The following SERINC3 variants were observed in gnomAD, a reference collection of about 807,000 sequenced individuals.
SERINC3 encodes serine incorporator 3.
In SERINC3, 22 loss-of-function variants were observed where a neutral mutation model predicts 52.1. The ratio of observed to expected loss-of-function variants is 0.42; its 90% confidence interval spans 0.30 to 0.60. SERINC3 has a LOEUF of 0.60. Ranked by LOEUF, SERINC3 falls within the 20% of genes least tolerant of loss-of-function variation. The pLI, the probability that SERINC3 is intolerant of heterozygous loss-of-function variation, is 0.16. For missense variants in SERINC3, 564 were observed against 584.6 expected (o/e 0.96, Z 0.36); for synonymous variants, 226 against 212.7 (o/e 1.06, Z -0.54).
rs2064270291 is a variant in SERINC3 at position 44,500,201 on chromosome 20, C to T, written c.*95G>A. ...TACAGTCAAACTTGCAAAGCATTCACTTAATATTTTAGTTGAAACAAACTT... is the reference window on the plus strand; with the variant it reads ...TACAGTCAAACTTGCAAAGCATTCATTTAATATTTTAGTTGAAACAAACTT... On this transcript the variant is annotated 3_prime_UTR_variant, in exon 10 of 10. Transcript: ENST00000342374. 3.8e-6 allele frequency: 5 copies of T among 1,331,146 alleles called. 1 individual carries two copies. In the Admixed American group the frequency reaches 1.3e-4, roughly 35 times the overall value. The allele number at this position is 1,331,146 out of a possible 1,614,324, so 82.5% of individuals were successfully genotyped here.
chr20:44,500,982 G>T, intron 9 of SERINC3, 91 bp downstream of exon 9: 2 of 885,302 alleles, frequency 2.3e-6, no homozygotes, highest in Non-Finnish European at 3.7e-6. Flanking sequence ...ATGGGTAAGA[G>T]CAAGGGTTCT....
intron 8 of SERINC3, among the ~76,000 whole-genome samples, chr20:44,503,572 C>T (rs2064292856): frequency 6.6e-6 from 1 of 152,158 alleles, no homozygotes; most frequent in Admixed American, 6.6e-5. Flanking sequence ...TGCTTGAACC[C>T]AGGAGGTGGA....
At chr20:44,512,325 CAAAAAAAAA>C (rs920134707) in intron 3 of SERINC3, among the ~76,000 whole-genome samples, 4 of 49,346 alleles carry the variant, frequency 8.1e-5, no homozygotes, top group Non-Finnish European at 1.2e-4. Flanking sequence ...AAAAACAAAA[CAAAAAAAAA>C]AAAAAAAAAA....
intron 1 of SERINC3, among the ~76,000 whole-genome samples, chr20:44,518,816 T>C (rs1200989013): frequency 6.6e-6 from 1 of 151,874 alleles, no homozygotes; most frequent in Non-Finnish European, 1.5e-5. Flanking sequence ...AATACAAAAT[T>C]AGCCAGGCGT....
rs765347167 is a variant in SERINC3, at chr20:44,511,276, T to C, written c.475+13A>G. 3.8e-6 allele frequency: 6 copies of C among 1,565,336 alleles called. No homozygotes were observed. In the East Asian group the frequency reaches 6.7e-5, roughly 18 times the overall value. The stretch of plus-strand genomic sequence containing the variant: ...TATAGTTTAAAATTAACCCCCTCAA[T>C]GGTGAACCCTACCTGAGCTGAAATA... On this transcript the variant is annotated intron_variant, in intron 4 of 9. Transcript: ENST00000342374.
At chr20:44,516,045 T>C (rs1316857602) in intron 1 of SERINC3, among the ~76,000 whole-genome samples, 2 of 152,172 alleles carry the variant, frequency 1.3e-5, no homozygotes, top group East Asian at 3.9e-4. Context: ...GGCTCACGCC[T>C]GTAATCCCAG....
chr20:44,502,054 CCT>C (rs1210052451), intron 8 of SERINC3, among the ~76,000 whole-genome samples: 8 of 152,254 alleles, frequency 5.3e-5, no homozygotes, highest in Middle Eastern at 3.4e-3. Context: ...AAACTTTCCC[CCT>C]GAGATCAGGA....
chr20:44,507,733 G>C (rs1054330725), intron 5 of SERINC3, among the ~76,000 whole-genome samples: 1 of 152,194 alleles, frequency 6.6e-6, no homozygotes, highest in African/African-American at 2.4e-5. Context: ...GCCAGGCATG[G>C]TGGCATAAGG....
chr20:44,511,985 C>T (rs540187820), intron 3 of SERINC3, among the ~76,000 whole-genome samples: 2 of 152,314 alleles, frequency 1.3e-5, no homozygotes, highest in African/African-American at 2.4e-5. Context: ...TTATAATACA[C>T]ATCAAGTTTA....
chr20:44,502,050 T>C (rs921670457), intron 8 of SERINC3, among the ~76,000 whole-genome samples: 5 of 151,978 alleles, frequency 3.3e-5, no homozygotes, highest in Non-Finnish European at 5.9e-5. Flanking sequence ...CTAAAAACTT[T>C]CCCCCTGAGA....
intron 6 of SERINC3, among the ~76,000 whole-genome samples, 189 bp downstream of exon 6, chr20:44,506,638 T>G (rs548113146): frequency 9.9e-6 from 1 of 100,784 alleles, no homozygotes; most frequent in Admixed American, 9.5e-5. Context: ...GTTACCTGGG[T>G]TTTTTTTTAA....
At chr20:44,520,426 A>G (rs367775710) in intron 1 of SERINC3, among the ~76,000 whole-genome samples, 18 of 152,326 alleles carry the variant, frequency 1.2e-4, no homozygotes, top group South Asian at 1.0e-3. Context: ...AGTAGCCATA[A>G]AAAAAGAAGA....
intron 4 of SERINC3, among the ~76,000 whole-genome samples, chr20:44,510,808 A>G (rs2029882790): frequency 6.6e-6 from 1 of 151,910 alleles, no homozygotes; most frequent in South Asian, 2.1e-4. Context: ...GAGACTGTCT[A>G]AAATATATAT....
intron 6 of SERINC3, among the ~76,000 whole-genome samples, chr20:44,505,791 C>T (rs375784462): frequency 2.0e-5 from 3 of 147,140 alleles, no homozygotes; most frequent in African/African-American, 5.0e-5. Context: ...GTAGAGATGA[C>T]GTTTCACCAT....
Position 44,513,987 on chromosome 20 carries a change from G to A in SERINC3, c.93C>T (p.Asn31=). 6.2e-7 allele frequency: 1 copy of A among 1,614,140 alleles called. No homozygotes were observed. Among genetic ancestry groups the A allele is most frequent in the Non-Finnish European group, 8.5e-7 (1 of 1,180,018 alleles). ...GGCGAGTCACCGTGGAATTCTTACT[G>A]TTAGGACAGCAACTACACAGCAAAC... ...ASCLLCSCCP[N]SKNSTVTRLI... The change falls in exon 2 of 10, where the codon AAC becomes AAT. Residue 31 remains asparagine (N), a synonymous_variant. Coordinates refer to ENST00000342374, the MANE Select transcript of SERINC3 (RefSeq NM_006811.4).
At chr20:44,503,789 C>T (rs2064294282) in intron 8 of SERINC3, 26 bp downstream of exon 8, 1 of 1,480,950 alleles carries the variant, frequency 6.8e-7, no homozygotes, top group East Asian at 2.6e-5. Context: ...CCATGAAAAT[C>T]TTGTTCTAAG....
rs2064254937 is a variant in SERINC3, at chr20:44,497,525, G to A, written c.*2771C>T. Reference sequence around the variant, plus strand: ...TTGTTTGTATTTTGAATTACATTAAGGCGGAGGATGGGGCACTGTAATGTT... The same window carrying A: ...TTGTTTGTATTTTGAATTACATTAAAGCGGAGGATGGGGCACTGTAATGTT... On this transcript the variant is annotated 3_prime_UTR_variant, in exon 10 of 10. Transcript: ENST00000342374. 2 of 152,238 alleles carry A rather than the reference G, an allele frequency of 1.3e-5. No homozygotes were observed. The highest frequency in any genetic ancestry group is 4.1e-4 in the South Asian group (2 of 4,828). 9.4% of individuals were successfully genotyped at this position (152,238 alleles called of 1,614,324 possible).
At chr20:44,517,127 T>C (rs2064385432) in intron 1 of SERINC3, among the ~76,000 whole-genome samples, 1 of 152,186 alleles carries the variant, frequency 6.6e-6, no homozygotes, top group Middle Eastern at 3.2e-3. Flanking sequence ...AAAATGAGCA[T>C]AATACCACCT....
At position 44,498,188 on chromosome 20, in the gene SERINC3, A is replaced by C. The variant is rs1022180367; in HGVS notation, c.*2108T>G. The C allele has an allele frequency of 6.6e-6, 1 of 152,190 alleles. No homozygotes were observed. Among genetic ancestry groups the C allele is most frequent in the Non-Finnish European group, 1.5e-5 (1 of 68,042 alleles). The allele number at this position is 152,190 out of a possible 1,614,324, so 9.4% of individuals were successfully genotyped here. A position where few individuals can be genotyped will look rare whatever the true frequency, so the allele number is the denominator to read the frequency against. On this transcript the variant is annotated 3_prime_UTR_variant, in exon 10 of 10. Transcript: ENST00000342374. ...ACATGTTTTTCCTGTTTGCCACCTG[A>C]ATACGTGGAACCACCATCCACCCAG...
Sources: gnomAD v4.1 joint callset for allele counts (sites outside exome capture counted in the v4.1 genomes callset) on GRCh38, gnomAD v4.1.1 for gene constraint, MANE v1.5 for transcripts, NCBI Gene and HGNC (gene_info 2026-07-23, HGNC 2026-07-21) for gene names.